Variants in ZC3HAV1 observed in about 807,000 individuals in gnomAD.
ZC3HAV1 encodes the protein zinc finger CCCH-type containing, antiviral 1.
A neutral mutation model predicts 86.6 loss-of-function variants in ZC3HAV1; 41 were observed. The ratio of observed to expected loss-of-function variants is 0.47; its 90% CI spans 0.37 to 0.61. ZC3HAV1 has a LOEUF of 0.61. Ranked by LOEUF, ZC3HAV1 falls within the 20% of genes least tolerant of loss-of-function variation. ZC3HAV1 has a pLI of 0.00. For synonymous variants in ZC3HAV1, 421 were observed against 432.1 expected (o/e 0.97, Z 0.32); for missense variants, 964 against 1,141.1 (o/e 0.84, Z 2.24).
At chr7:139,093,644 C>T (rs1817495479) in intron 1 of ZC3HAV1, among the ~76,000 whole-genome samples, 1 of 152,194 alleles carries the variant, frequency 6.6e-6, no homozygotes, top group Non-Finnish European at 1.5e-5. Flanking sequence ...CAGAGAACAA[C>T]CCCCTTTGAC....
chr7:139,060,260 C>T (rs1469384657), intron 9 of ZC3HAV1: 3 of 985,204 alleles, frequency 3.0e-6, no homozygotes, highest in South Asian at 4.7e-5. Flanking sequence ...AGTTAGAACA[C>T]CTTGATTTTA....
rs547046527 is a variant in ZC3HAV1 at position 139,091,186 on chromosome 7, G to A, written c.309-1427C>T. ...CCCGGAGGAAAGACTCCTACAGCAA[G>A]AAGGGCCTTTGAAAAGTAATCCCCT... is the stretch of plus-strand genomic sequence containing the variant. On this transcript the variant is annotated intron_variant, in intron 1 of 12. Transcript: ENST00000242351. Among the ~76,000 whole-genome samples, 12 of 151,636 alleles carry A rather than the reference G, an allele frequency of 7.9e-5. No homozygotes were observed. In the East Asian group the frequency reaches 2.3e-3, roughly 29 times the overall value.
At chr7:139,078,469 C>T (rs1817021104) in intron 5 of ZC3HAV1, 83 bp downstream of exon 5, 2 of 986,796 alleles carry the variant, frequency 2.0e-6, no homozygotes, top group Non-Finnish European at 3.0e-6. Context: ...TTTCAGAAGG[C>T]ATTTGCACAC....
intron 9 of ZC3HAV1, among the ~76,000 whole-genome samples, chr7:139,059,029 G>A (rs1354859090): frequency 1.3e-5 from 2 of 152,024 alleles, no homozygotes; most frequent in Admixed American, 1.3e-4. Context: ...ATGCAGTTTT[G>A]TTGCTTTAAG....
At chr7:139,070,683 A>C in intron 7 of ZC3HAV1, among the ~76,000 whole-genome samples, 1 of 148,390 alleles carries the variant, frequency 6.7e-6, no homozygotes, top group East Asian at 2.0e-4. Flanking sequence ...AAAAAAAAAA[A>C]CCTCAGGAAG....
chr7:139,102,196 C>T (rs2130738040), intron 1 of ZC3HAV1, among the ~76,000 whole-genome samples: 1 of 152,206 alleles, frequency 6.6e-6, no homozygotes, highest in South Asian at 2.1e-4. Flanking sequence ...GGCAGTGGCG[C>T]AACTGCACCT....
Position 139,055,308 on chromosome 7 carries a change from A to G in ZC3HAV1, c.2097-13T>C, listed in dbSNP as rs771208760. ...TGCTGGCTGATGGCTACAAATAAAG[A>G]GAAAGAATTCACTTAACTCTCTGCT... On this transcript the variant is annotated splice_polypyrimidine_tract_variant and intron_variant, in intron 9 of 12. Transcript: ENST00000242351. The G allele has an allele frequency of 1.2e-6, 2 of 1,607,798 alleles. No homozygotes were observed. Among genetic ancestry groups the G allele is most frequent in the Non-Finnish European group, 1.7e-6 (2 of 1,175,050 alleles).
At position 139,058,440 on chromosome 7, in the gene ZC3HAV1, A is replaced by AC. The variant is rs56132797; in HGVS notation, c.2096+2595dup. Among the ~76,000 whole-genome samples the AC allele has an allele frequency of 1.9e-3, 230 of 119,256 alleles. 1 individual carries two copies. The highest frequency in any genetic ancestry group is 0.013 in the Middle Eastern group (3 of 240). The allele number at this position is 119,256 out of a possible 152,430, so 78.2% of individuals were successfully genotyped here. ...CTGCACCCCAGCAACCTAACCCCCA[A>AC]CCCCCCCCCCCCCCACAAAAAAACA... On this transcript the variant is annotated intron_variant, in intron 9 of 12. Transcript: ENST00000242351.
intron 2 of ZC3HAV1, among the ~76,000 whole-genome samples, chr7:139,085,866 T>C (rs959421647): frequency 2.0e-5 from 3 of 151,744 alleles, no homozygotes; most frequent in African/African-American, 7.3e-5. Context: ...TACAAAAAAT[T>C]ATCCGGGTGT....
chr7:139,053,868 C>T, intron 11 of ZC3HAV1, 97 bp downstream of exon 11: 1 of 1,209,960 alleles, frequency 8.3e-7, no homozygotes, highest in Non-Finnish European at 1.1e-6. Context: ...GAACTGTTAA[C>T]TACTAAAATA....
chr7:139,060,446 C>T, intron 9 of ZC3HAV1: 8 of 989,752 alleles, frequency 8.1e-6, no homozygotes, highest in Non-Finnish European at 9.6e-6. Context: ...TATCTCTCAC[C>T]AAAACCCTTG....
Position 139,109,504 on chromosome 7 carries a change from T to A in ZC3HAV1, c.-173A>T. ...GTTAGCCCAGCCCAGCGATCCACTC[T>A]CGGCTCTCAGGTCAAGAGGCTAGAT... is the stretch of plus-strand genomic sequence containing the variant. On this transcript the variant is annotated 5_prime_UTR_variant, in exon 1 of 13. Coordinates refer to ENST00000242351, the MANE Select transcript of ZC3HAV1 (RefSeq NM_020119.4). The A allele has an allele frequency of 1.2e-6, 1 of 813,224 alleles. No homozygotes were observed. The highest frequency in any genetic ancestry group is 1.9e-5 in the South Asian group (1 of 52,536). The allele number at this position is 813,224 out of a possible 1,614,324, so 50.4% of individuals were successfully genotyped here. A position where few individuals can be genotyped will look rare whatever the true frequency, so the allele number is the denominator to read the frequency against.
chr7:139,054,076 A>G lies in ZC3HAV1; in HGVS notation c.2207T>C (p.Leu736Pro). Residue 736 changes from leucine (L) to proline (P), a missense_variant, in exon 11 of 13, where the codon CTA becomes CCA. Physicochemically the swap from Leu to Pro is moderately conservative, Grantham distance 98. Coordinates refer to ENST00000242351, the MANE Select transcript of ZC3HAV1 (RefSeq NM_020119.4). Reference protein sequence around the residue: ...KKYKLSEIHHLHPEYVRVSEH... With the variant: ...KKYKLSEIHHPHPEYVRVSEH... ...ACTTACTCTGACATATTCTGGATGT[A>G]GGTGATGGATCTCTGACAACTAATA... 1 of 1,583,186 alleles carries G rather than the reference A, an allele frequency of 6.3e-7. No individual in the cohort carries two copies. Among genetic ancestry groups the G allele is most frequent in the Non-Finnish European group, 8.5e-7 (1 of 1,171,666 alleles).
At chr7:139,060,007 C>T (rs1816398359) in intron 9 of ZC3HAV1, among the ~76,000 whole-genome samples, 2 of 152,126 alleles carry the variant, frequency 1.3e-5, no homozygotes, top group African/African-American at 4.8e-5. Context: ...GGAATTTGAA[C>T]CTAGGTGAGC....
chr7:139,060,373 A>C (rs1584842815), intron 9 of ZC3HAV1: 1 of 986,816 alleles, frequency 1.0e-6, no homozygotes, highest in East Asian at 1.1e-4. Context: ...TGAGCAGTTC[A>C]CAAGGAGAGT....
Position 139,109,215 on chromosome 7 carries a change from C to G in ZC3HAV1, c.117G>C (p.Glu39Asp), listed in dbSNP as rs749443380. 1 of 1,609,960 alleles carries G rather than the reference C, an allele frequency of 6.2e-7. No homozygotes were observed. Among genetic ancestry groups the G allele is most frequent in the Non-Finnish European group, 8.5e-7 (1 of 1,178,384 alleles). ...EIALSEPQLC[E>D]VLQVAGPDRF... ...GGTCGGGCCCGGCCACCTGCAGCACCTCACAGAGCTGCGGCTCAGACAGCG... is the reference window on the plus strand; with the variant it reads ...GGTCGGGCCCGGCCACCTGCAGCACGTCACAGAGCTGCGGCTCAGACAGCG... Residue 39 changes from glutamate to aspartate, a missense_variant, in exon 1 of 13, where the codon GAG becomes GAC. Glu to Asp is a conservative substitution (Grantham distance 45, BLOSUM62 2). Transcript: ENST00000242351.
rs1229309880 is a variant in ZC3HAV1, at chr7:139,047,047, C to G, written c.*547G>C. On this transcript the variant is annotated 3_prime_UTR_variant, in exon 13 of 13. Coordinates refer to ENST00000242351, the MANE Select transcript of ZC3HAV1 (RefSeq NM_020119.4). Reference sequence around the variant, plus strand: ...GGGCTTTAAAAAATACAACTGCCAGCCGGGCATGGTGGCTCATACCTGTAA... The same window carrying G: ...GGGCTTTAAAAAATACAACTGCCAGGCGGGCATGGTGGCTCATACCTGTAA... 6.5e-6 allele frequency: 1 copy of G among 154,132 alleles called. No individual in the cohort carries two copies. The highest frequency in any genetic ancestry group is 2.4e-5 in the African/African-American group (1 of 41,424). The allele number at this position is 154,132 out of a possible 1,614,324, so 9.5% of individuals were successfully genotyped here.
chr7:139,050,555 TG>T (rs978226109), intron 12 of ZC3HAV1, among the ~76,000 whole-genome samples: 13 of 151,852 alleles, frequency 8.6e-5, no homozygotes, highest in African/African-American at 2.7e-4. Context: ...TTATTAGAGA[TG>T]GGGGGGTTTC....
rs1465973684 is a variant in ZC3HAV1 at position 139,108,203 on chromosome 7, G to A, written c.308+821C>T. Among the ~76,000 whole-genome samples, 1 of 151,946 alleles carries A rather than the reference G, an allele frequency of 6.6e-6. No homozygotes were observed. The highest frequency in any genetic ancestry group is 2.1e-4 in the South Asian group (1 of 4,816). On this transcript the variant is annotated intron_variant, in intron 1 of 12. Transcript: ENST00000242351. The surrounding 1 kb of genome is among the most constrained non-coding windows in gnomAD (Gnocchi z 4.2). ...GTCCTCGAGGGAGCAAGCTCTCTTA[G>A]GGAGAAACTGGGAAGAAAATCACTC... is the stretch of plus-strand genomic sequence containing the variant.
Sources: allele counts gnomAD v4.1 joint callset (sites outside exome capture counted in the v4.1 genomes callset), GRCh38; gene constraint gnomAD v4.1.1; non-coding constraint Gnocchi (gnomAD v3.1); transcripts MANE v1.5; gene names NCBI Gene and HGNC (gene_info 2026-07-23, HGNC 2026-07-21).